PLA2G6: variants seen among roughly 807,000 people sequenced by gnomAD.
PLA2G6 encodes the protein 85/88 kDa calcium-independent phospholipase A2.
Under a neutral mutation model 83.8 loss-of-function variants are expected in PLA2G6, and 62 were observed. That is an observed-to-expected ratio of 0.74 (90% CI 0.60 to 0.91). The LOEUF (loss-of-function observed/expected upper bound fraction) is 0.91. Among genes scored for constraint, PLA2G6 ranks in the 40% least tolerant of loss-of-function variants. PLA2G6 has a pLI of 0.00. For synonymous variants in PLA2G6, 417 were observed against 449.8 expected, an observed-to-expected ratio of 0.93 and a Z score of 0.92; for missense variants, 944 against 1,102.0, an observed-to-expected ratio of 0.86 and a Z score of 2.03.
At chr22:38,164,322 C>A (rs1359795811) in intron 2 of PLA2G6, among the ~76,000 whole-genome samples, 3 of 152,194 alleles carry the variant, frequency 2.0e-5, no homozygotes, top group African/African-American at 7.2e-5. Context: ...GGTTCTGGAG[C>A]CAGGTGACAG....
chr22:38,128,441 T>C lies in PLA2G6; in HGVS notation c.1187-11A>G. 1.2e-6 allele frequency: 2 copies of C among 1,613,778 alleles called. No individual in the cohort carries two copies. The highest frequency in any genetic ancestry group is 1.7e-6 in the Non-Finnish European group (2 of 1,179,878). On this transcript the variant is annotated splice_polypyrimidine_tract_variant and intron_variant, in intron 8 of 16. Coordinates refer to ENST00000332509, the MANE Select transcript of PLA2G6 (RefSeq NM_003560.4). This position sits in a 1 kb window ranked among gnomAD's most constrained non-coding sequence, Gnocchi z 4.4. Reference sequence around the variant, plus strand: ...CCTTCCTGGTGACAACTTGTCATGGTTTGGGGAAGGGGAGATGGCACAGGA... The same window carrying C: ...CCTTCCTGGTGACAACTTGTCATGGCTTGGGGAAGGGGAGATGGCACAGGA...
At chr22:38,145,032 CTTTTTTTTTTTTTT>C (rs968832533) in intron 3 of PLA2G6, 2 of 192,568 alleles carry the variant, frequency 1.0e-5, no homozygotes, top group Non-Finnish European at 2.0e-5. Context: ...AACGCAGCAC[CTTTTTTTTTTTTTT>C]TTTTTTTTTC....
rs566023753 is a variant in PLA2G6, at chr22:38,173,849, A to G, written c.-45-4378T>C. Among the ~76,000 whole-genome samples, 76 of 152,184 alleles carry G rather than the reference A, an allele frequency of 5.0e-4. 1 individual carries two copies. The highest frequency in any genetic ancestry group is 1.7e-3 in the African/African-American group (71 of 41,534). On this transcript the variant is annotated intron_variant, in intron 1 of 16. Transcript: ENST00000332509. ...CGGATTGCTTGAGCCCAGGAATTTGAGACCAGCCTGGGGAACATGGCAAAA... is the reference window on the plus strand; with the variant it reads ...CGGATTGCTTGAGCCCAGGAATTTGGGACCAGCCTGGGGAACATGGCAAAA...
chr22:38,127,505 G>T, intron 9 of PLA2G6: 1 of 1,207,324 alleles, frequency 8.3e-7, no homozygotes, highest in South Asian at 1.3e-5. Flanking sequence ...GGAGTTCCTG[G>T]GAGGGGAGAG....
chr22:38,127,512 A>G (rs1432553831), intron 9 of PLA2G6: 10 of 1,167,320 alleles, frequency 8.6e-6, no homozygotes, highest in Middle Eastern at 2.2e-4. Flanking sequence ...CTGGGAGGGG[A>G]GAGAGAGGTG....
chr22:38,125,934 C>T (rs1197065091), intron 10 of PLA2G6, among the ~76,000 whole-genome samples: 1 of 152,198 alleles, frequency 6.6e-6, no homozygotes, highest in African/African-American at 2.4e-5. Flanking sequence ...CCGCCTCTTA[C>T]AATGGGACTA....
intron 1 of PLA2G6, among the ~76,000 whole-genome samples, chr22:38,172,885 G>A (rs781654871): frequency 2.0e-5 from 3 of 152,202 alleles, no homozygotes; most frequent in African/African-American, 4.8e-5. Flanking sequence ...ACACACCCAC[G>A]ACAGCATGGC....
chr22:38,154,254 G>A (rs1447105926), intron 2 of PLA2G6, among the ~76,000 whole-genome samples: 1 of 152,224 alleles, frequency 6.6e-6, no homozygotes, highest in Non-Finnish European at 1.5e-5. Flanking sequence ...TTAAGCAAAC[G>A]TAGGCAGTAG....
intron 2 of PLA2G6, among the ~76,000 whole-genome samples, chr22:38,152,316 T>A (rs976824027): frequency 2.6e-5 from 4 of 152,106 alleles, no homozygotes; most frequent in Admixed American, 1.3e-4. Flanking sequence ...TTCTCCTGCC[T>A]CAGCCTCCCG....
At chr22:38,117,581 A>T (rs925590351) in intron 12 of PLA2G6, among the ~76,000 whole-genome samples, 4 of 152,338 alleles carry the variant, frequency 2.6e-5, no homozygotes, top group Non-Finnish European at 5.9e-5. Context: ...GGCCTCAAAC[A>T]GGTATTTGCA....
At chr22:38,157,336 C>T (rs1461807239) in intron 2 of PLA2G6, among the ~76,000 whole-genome samples, 1 of 152,026 alleles carries the variant, frequency 6.6e-6, no homozygotes, top group African/African-American at 2.4e-5. Context: ...CAATTATATG[C>T]CAATAAATTG....
intron 7 of PLA2G6, 41 bp from the exon 8 acceptor site, chr22:38,129,603 G>A (rs1327685277): frequency 6.6e-7 from 1 of 1,513,794 alleles, no homozygotes; most frequent in Non-Finnish European, 9.2e-7. Context: ...CAACTGCCGG[G>A]GAAGTGAAGA....
Position 38,124,685 on chromosome 22 carries a change from C to T in PLA2G6, c.1428-1427G>A, listed in dbSNP as rs377088275. On this transcript the variant is annotated intron_variant, in intron 10 of 16. Transcript: ENST00000332509. ...CTCTCCTGCGCTGACCTGGAAGCTC[C>T]ACCAGGGCAGAAGCCGCCTCTGCTC... Among the ~76,000 whole-genome samples, 7 of 152,262 alleles carry T rather than the reference C, an allele frequency of 4.6e-5. No individual in the cohort carries two copies. The East Asian group carries it at 1.4e-3, about 29-fold the overall frequency.
chr22:38,169,169 C>T (rs1396551993), intron 2 of PLA2G6, 49 bp downstream of exon 2: 23 of 1,415,736 alleles, frequency 1.6e-5, no homozygotes, highest in South Asian at 4.7e-5. Flanking sequence ...CAATCCGAGA[C>T]GTGGGGGAGT....
At chr22:38,124,885 C>G (rs1055306435) in intron 10 of PLA2G6, among the ~76,000 whole-genome samples, 1 of 152,146 alleles carries the variant, frequency 6.6e-6, no homozygotes, top group African/African-American at 2.4e-5. Flanking sequence ...AGCAAACTCC[C>G]GAAGATGCGG....
At chr22:38,117,893 G>A (rs189325091) in intron 12 of PLA2G6, among the ~76,000 whole-genome samples, 5 of 152,012 alleles carry the variant, frequency 3.3e-5, no homozygotes, top group East Asian at 3.9e-4. Context: ...AAAATTAGCC[G>A]GGCATGGTGG....
At chr22:38,156,863 G>T (rs1415974402) in intron 2 of PLA2G6, among the ~76,000 whole-genome samples, 1 of 152,138 alleles carries the variant, frequency 6.6e-6, no homozygotes, top group Non-Finnish European at 1.5e-5. Flanking sequence ...ACATGGAAAT[G>T]AAATAATATG....
At chr22:38,172,324 C>G (rs2090467110) in intron 1 of PLA2G6, among the ~76,000 whole-genome samples, 1 of 152,228 alleles carries the variant, frequency 6.6e-6, no homozygotes, top group African/African-American at 2.4e-5. Context: ...GGCCCAGAGT[C>G]TGAGTTTCTC....
In PLA2G6 at chr22:38,112,093, G is replaced by A. The variant is rs765094012; in HGVS notation, c.*68C>T. On this transcript the variant is annotated 3_prime_UTR_variant, in exon 17 of 17. Coordinates refer to ENST00000332509, the MANE Select transcript of PLA2G6 (RefSeq NM_003560.4). Reference sequence around the variant, plus strand: ...GCCCAGATCTGCCCGGGAGGGCAGTGGCTGGGCTTGGCCTGGCAGGGGCTG... The same window carrying A: ...GCCCAGATCTGCCCGGGAGGGCAGTAGCTGGGCTTGGCCTGGCAGGGGCTG... 2.8e-5 allele frequency: 43 copies of A among 1,529,336 alleles called. No homozygotes were observed. Among genetic ancestry groups the A allele is most frequent in the Non-Finnish European group, 3.5e-5 (40 of 1,128,664 alleles). 94.7% of individuals were successfully genotyped at this position (1,529,336 alleles called of 1,614,324 possible). A position where few individuals can be genotyped will look rare whatever the true frequency, so the allele number is the denominator to read the frequency against.
Sources: gnomAD v4.1 joint callset for allele counts (sites outside exome capture counted in the v4.1 genomes callset) on GRCh38, gnomAD v4.1.1 for gene constraint, Gnocchi (gnomAD v3.1) non-coding constraint, MANE v1.5 for transcripts, NCBI Gene and HGNC (gene_info 2026-07-23, HGNC 2026-07-21) for gene names.